The following NAPB variants were observed in gnomAD, a reference collection of about 807,000 sequenced individuals.
The protein encoded by NAPB is NSF attachment protein beta.
Under a neutral mutation model 44.7 loss-of-function variants are expected in NAPB, and 26 were observed. The observed-to-expected ratio is 0.58, with a 90% CI of 0.43 to 0.81. The LOEUF is 0.81. Ranked by LOEUF, NAPB falls within the 30% of genes least tolerant of loss-of-function variation. The pLI, the probability that NAPB is intolerant of heterozygous loss-of-function variation, is 0.00. For missense variants in NAPB, 315 were observed against 356.4 expected (o/e 0.88, Z 0.94); for synonymous variants, 120 against 116.8 (o/e 1.03, Z -0.18).
chr20:23,402,898 A>AG, intron 2 of NAPB, 95 bp downstream of exon 2: 1 of 914,656 alleles, frequency 1.1e-6, no homozygotes, highest in South Asian at 1.5e-5. Context: ...CTCTGGGGCC[A>AG]ATAGTCTTGC....
intron 1 of NAPB, among the ~76,000 whole-genome samples, chr20:23,415,491 G>C (rs1180273357): frequency 6.6e-6 from 1 of 152,080 alleles, no homozygotes; most frequent in Non-Finnish European, 1.5e-5. Flanking sequence ...CTACTCAGGA[G>C]ACTGAGGCAG....
At chr20:23,384,144 T>C (rs545652589) in intron 7 of NAPB, among the ~76,000 whole-genome samples, 1 of 152,200 alleles carries the variant, frequency 6.6e-6, no homozygotes, top group Non-Finnish European at 1.5e-5. Flanking sequence ...AGGCAGACTT[T>C]TTTATATGTG....
chr20:23,383,424 C>T (rs1312225846), intron 7 of NAPB, among the ~76,000 whole-genome samples: 1 of 151,732 alleles, frequency 6.6e-6, no homozygotes, highest in Non-Finnish European at 1.5e-5. Flanking sequence ...TTATCAAAAA[C>T]AATGGAGGCC....
At chr20:23,389,050 C>T (rs1391691601) in intron 7 of NAPB, among the ~76,000 whole-genome samples, 1 of 151,754 alleles carries the variant, frequency 6.6e-6, no homozygotes, top group Non-Finnish European at 1.5e-5. Context: ...CTAAAACTCA[C>T]CACCAAAAAA....
intron 7 of NAPB, among the ~76,000 whole-genome samples, chr20:23,386,686 T>C (rs1983552495): frequency 6.6e-6 from 1 of 152,214 alleles, no homozygotes; most frequent in Non-Finnish European, 1.5e-5. Context: ...ACGCTTATTT[T>C]CACTTATTAC....
intron 1 of NAPB, among the ~76,000 whole-genome samples, chr20:23,405,453 G>C (rs1468256870): frequency 6.6e-6 from 1 of 152,208 alleles, no homozygotes; most frequent in Non-Finnish European, 1.5e-5. Flanking sequence ...CAGGCACAGT[G>C]GCTCACGCCT....
At chr20:23,401,264 G>A (rs16985333) in intron 2 of NAPB, among the ~76,000 whole-genome samples, 3,129 of 152,270 alleles carry the variant, frequency 0.021, 114 homozygotes, top group African/African-American at 0.071. Context: ...CTTGTGTTAC[G>A]TTACTTCATT....
chr20:23,403,317 A>G (rs577304826), intron 1 of NAPB, among the ~76,000 whole-genome samples: 77 of 152,124 alleles, frequency 5.1e-4, no homozygotes, highest in Non-Finnish European at 9.1e-4. Flanking sequence ...AGACTCAAAC[A>G]CAGGGCAGGG....
intron 5 of NAPB, among the ~76,000 whole-genome samples, chr20:23,393,486 G>A (rs1398591344): frequency 6.6e-5 from 10 of 152,132 alleles, no homozygotes; most frequent in Non-Finnish European, 1.5e-5. Flanking sequence ...GTATGGTGGA[G>A]GTAGGGGTAG....
At chr20:23,394,482 G>A (rs1299699410) in intron 5 of NAPB, among the ~76,000 whole-genome samples, 1 of 152,176 alleles carries the variant, frequency 6.6e-6, no homozygotes, top group East Asian at 1.9e-4. Context: ...TCAGCAGGCA[G>A]GTGGATACAG....
chr20:23,397,857 C>T (rs543346294), intron 2 of NAPB, among the ~76,000 whole-genome samples: 1 of 152,286 alleles, frequency 6.6e-6, no homozygotes, highest in African/African-American at 2.4e-5. Context: ...TGGGGTACCA[C>T]CCAGGTCTCC....
chr20:23,376,262 T>C lies in NAPB; in HGVS notation c.*1114A>G, dbSNP rs914932674. The C allele has an allele frequency of 6.6e-6, 1 of 152,238 alleles. No homozygotes were observed. The highest frequency in any genetic ancestry group is 2.4e-5 in the African/African-American group (1 of 41,454). The allele number at this position is 152,238 out of a possible 1,614,324, so 9.4% of individuals were successfully genotyped here. On this transcript the variant is annotated 3_prime_UTR_variant, in exon 11 of 11. Coordinates refer to ENST00000377026, the MANE Select transcript of NAPB (RefSeq NM_022080.3). ...GAATCAAGATAGCATACATATATTA[T>C]ATAAACCAATTAAACACGACAGAGT...
chr20:23,403,577 T>C (rs184345786), intron 1 of NAPB, among the ~76,000 whole-genome samples: 1 of 119,746 alleles, frequency 8.4e-6, no homozygotes, highest in Non-Finnish European at 1.8e-5. Flanking sequence ...CACTCCAGCC[T>C]GGGCAACAAG....
chr20:23,392,128 G>C (rs895987025), intron 5 of NAPB, among the ~76,000 whole-genome samples: 3 of 152,342 alleles, frequency 2.0e-5, no homozygotes, highest in African/African-American at 7.2e-5. Flanking sequence ...GCTAGGCTCA[G>C]GGCTGTGATG....
At chr20:23,403,223 AC>A in intron 1 of NAPB, 151 bp from the exon 2 acceptor site, 1 of 629,854 alleles carries the variant, frequency 1.6e-6, no homozygotes, top group Non-Finnish European at 2.7e-6. Flanking sequence ...CTCTTACTAT[AC>A]CTGTTTTCCA....
intron 8 of NAPB, chr20:23,380,622 A>C (rs1387825938): frequency 6.6e-6 from 1 of 152,482 alleles, no homozygotes; most frequent in Non-Finnish European, 1.5e-5. Context: ...TCACAGGTTC[A>C]AGTGATTCTC....
chr20:23,398,382 T>G (rs942403633), intron 2 of NAPB, among the ~76,000 whole-genome samples: 1 of 152,168 alleles, frequency 6.6e-6, no homozygotes, highest in Non-Finnish European at 1.5e-5. Flanking sequence ...TTCTTTTCTT[T>G]TTTTCAAGAC....
chr20:23,392,179 C>T (rs887223308), intron 5 of NAPB, among the ~76,000 whole-genome samples: 1 of 152,188 alleles, frequency 6.6e-6, no homozygotes, highest in African/African-American at 2.4e-5. Context: ...ACAGAGCCCA[C>T]ATTTTAGAGG....
intron 7 of NAPB, among the ~76,000 whole-genome samples, chr20:23,382,569 T>C (rs1021963303): frequency 6.8e-6 from 1 of 146,888 alleles, no homozygotes; most frequent in African/African-American, 2.5e-5. Flanking sequence ...CTGAAGCTAA[T>C]GGAAAAATGG....
Sources: gnomAD v4.1 joint callset for allele counts (sites outside exome capture counted in the v4.1 genomes callset) on GRCh38, gnomAD v4.1.1 for gene constraint, MANE v1.5 for transcripts, NCBI Gene and HGNC (gene_info 2026-07-23, HGNC 2026-07-21) for gene names.